DCAF8L2: variants seen among roughly 807,000 people sequenced by gnomAD.
DCAF8L2 encodes DDB1 and CUL4 associated factor 8 like 2.
For synonymous variants in DCAF8L2, 200 were observed against 190.9 expected (o/e 1.05, Z -0.39); for missense variants, 430 against 490.7 (o/e 0.88, Z 1.17).
At chrX:27,649,894 G>A (rs1407606534) in intron 2 of DCAF8L2, among the ~76,000 whole-genome samples, 1 of 111,560 alleles carries the variant, frequency 9.0e-6, no homozygotes, top group Non-Finnish European at 1.9e-5. Flanking sequence ...TGCATAGAAT[G>A]GTGCTTCTCA....
chrX:27,501,515 GAGAA>G, the DCAF8L2 span, among the ~76,000 whole-genome samples: 1 of 111,606 alleles, frequency 9.0e-6, no homozygotes, highest in African/African-American at 3.3e-5. Flanking sequence ...CAACTGAGCT[GAGAA>G]AGAGAGTGCT....
chrX:27,487,809 C>G, the DCAF8L2 span, among the ~76,000 whole-genome samples: 2 of 111,543 alleles, frequency 1.8e-5, no homozygotes, highest in Non-Finnish European at 3.8e-5. Context: ...CTTAGCCAAC[C>G]AGTAACCCAT....
At chrX:27,528,476 G>GTATATA in the DCAF8L2 span, among the ~76,000 whole-genome samples, 5,695 of 83,135 alleles carry the variant, frequency 0.069, 210 homozygotes, top group East Asian at 0.19. Flanking sequence ...ATGTGTATGT[G>GTATATA]TATATATATA....
At position 27,611,381 on chromosome X, in the gene DCAF8L2, A is replaced by G. The variant is rs182864001; in HGVS notation, c.-341-20498A>G. Among the ~76,000 whole-genome samples the G allele has an allele frequency of 1.8e-4, 18 of 101,461 alleles. No individual in the cohort carries two copies. In the East Asian group the frequency reaches 4.6e-3, roughly 26 times the overall value. The allele number at this position is 101,461 out of a possible 115,157, so 88.1% of individuals were successfully genotyped here. On this transcript the variant is annotated intron_variant, in intron 1 of 4. Transcript: ENST00000451261. ...TTTTTATTCATATATATATATATAT[A>G]TGCCGTCATAGTGAACAGGCAACCT...
chrX:27,498,455 A>G, the DCAF8L2 span, among the ~76,000 whole-genome samples: 1 of 112,543 alleles, frequency 8.9e-6, no homozygotes, highest in Admixed American at 9.4e-5. Context: ...AAATATATTC[A>G]AAGTGTACAA....
intron 1 of DCAF8L2, among the ~76,000 whole-genome samples, chrX:27,607,449 A>C (rs2147131189): frequency 9.0e-6 from 1 of 111,348 alleles, no homozygotes; most frequent in East Asian, 2.8e-4. Context: ...ATTTTCGAGA[A>C]CAGAGCTTCA....
chrX:27,506,024 T>C, the DCAF8L2 span, among the ~76,000 whole-genome samples: 3 of 112,227 alleles, frequency 2.7e-5, no homozygotes, highest in Non-Finnish European at 5.6e-5. Context: ...TTTAAAAGAA[T>C]CATCAAATAA....
rs1309967428 is a variant in DCAF8L2 at position 27,646,484 on chromosome X, C to T, written c.-220+14484C>T. Among the ~76,000 whole-genome samples, 3 of 111,382 alleles carry T rather than the reference C, an allele frequency of 2.7e-5. No individual in the cohort carries two copies. In the Admixed American group the frequency reaches 2.9e-4, roughly 11 times the overall value. ...CCCTAGAAGAAAATCTAGGCAATAC[C>T]ATGCAAAACATAGGCATGGGCAAAG... On this transcript the variant is annotated intron_variant, in intron 2 of 4. Coordinates refer to ENST00000451261, the MANE Select transcript of DCAF8L2 (RefSeq NM_001353450.2).
At chrX:27,600,211 T>A (rs1400837218) in intron 1 of DCAF8L2, among the ~76,000 whole-genome samples, 2 of 111,869 alleles carry the variant, frequency 1.8e-5, no homozygotes, top group Admixed American at 9.5e-5. Flanking sequence ...TGTGTGTGTA[T>A]CAGAATAAAA....
At chrX:27,523,830 A>G in the DCAF8L2 span, among the ~76,000 whole-genome samples, 1 of 109,550 alleles carries the variant, frequency 9.1e-6, no homozygotes, top group Non-Finnish European at 1.9e-5. Flanking sequence ...AAGTGTTCTC[A>G]TTGTTCAATT....
chrX:27,709,591 C>T, intron 3 of DCAF8L2, among the ~76,000 whole-genome samples: 1 of 112,030 alleles, frequency 8.9e-6, no homozygotes, highest in Non-Finnish European at 1.9e-5. Context: ...GTTAGGCCTA[C>T]TTGGATAATC....
the DCAF8L2 span, among the ~76,000 whole-genome samples, chrX:27,573,504 C>T: frequency 4.5e-5 from 5 of 111,103 alleles, no homozygotes; most frequent in South Asian, 1.9e-3. Flanking sequence ...TATGGAAATG[C>T]CTGCTCAGGG....
chrX:27,683,728 C>A (rs1021126637), intron 3 of DCAF8L2, among the ~76,000 whole-genome samples: 3 of 111,785 alleles, frequency 2.7e-5, no homozygotes, highest in African/African-American at 9.8e-5. Flanking sequence ...GGCCTTTAAT[C>A]AAGGGCTGAA....
chrX:27,629,841 TA>T (rs770967907), intron 1 of DCAF8L2, among the ~76,000 whole-genome samples: 2 of 111,712 alleles, frequency 1.8e-5, no homozygotes, highest in Admixed American at 1.9e-4. Flanking sequence ...CCTATGTCTG[TA>T]AAAAAATGCC....
chrX:27,744,543 T>C (rs1024972972), intron 4 of DCAF8L2, among the ~76,000 whole-genome samples: 5 of 111,499 alleles, frequency 4.5e-5, no homozygotes, highest in Admixed American at 1.9e-4. Flanking sequence ...CCCACATTAG[T>C]TGGTGGTCAC....
the DCAF8L2 span, among the ~76,000 whole-genome samples, chrX:27,493,417 C>T: frequency 5.4e-5 from 6 of 110,143 alleles, no homozygotes; most frequent in African/African-American, 2.0e-4. Flanking sequence ...GCATAGAGAA[C>T]CCTACATTCT....
chrX:27,732,744 G>A (rs1235655271), intron 4 of DCAF8L2, among the ~76,000 whole-genome samples: 4 of 111,278 alleles, frequency 3.6e-5, no homozygotes, highest in African/African-American at 1.3e-4. Flanking sequence ...CCAGAAAAGG[G>A]ATTGCTGGGT....
the DCAF8L2 span, among the ~76,000 whole-genome samples, chrX:27,486,011 A>ATT: frequency 2.1e-4 from 17 of 81,728 alleles, no homozygotes; most frequent in African/African-American, 7.7e-4. Context: ...TCCACTCTAG[A>ATT]TTTTTTTTTT....
At chrX:27,500,466 T>TAGC in the DCAF8L2 span, among the ~76,000 whole-genome samples, 2 of 111,891 alleles carry the variant, frequency 1.8e-5, no homozygotes, top group East Asian at 5.6e-4. Flanking sequence ...ATCGGCCATG[T>TAGC]AGCATGTCAC....
Sources: gnomAD v4.1 joint callset for allele counts (sites outside exome capture counted in the v4.1 genomes callset) on GRCh38, gnomAD v4.1.1 for gene constraint, MANE v1.5 for transcripts, NCBI Gene and HGNC (gene_info 2026-07-23, HGNC 2026-07-21) for gene names.